The following RAB6B variants were observed in gnomAD, a reference collection of about 807,000 sequenced individuals.
RAB6B encodes ras-related protein Rab-6B.
Under a neutral mutation model 31.2 loss-of-function variants are expected in RAB6B, and 7 were observed. The ratio of observed to expected loss-of-function variants is 0.22; its 90% CI spans 0.13 to 0.42. The LOEUF is 0.42. Among genes scored for constraint, RAB6B ranks in the 10% least tolerant of loss-of-function variants. The pLI, the probability that RAB6B is intolerant of heterozygous loss-of-function variation, is 1.00. For missense variants in RAB6B, 149 were observed against 280.6 expected, an observed-to-expected ratio of 0.53 and a Z score of 3.35; for synonymous variants, 105 against 104.9, an observed-to-expected ratio of 1.00 and a Z score of -0.01.
At chr3:133,860,641 T>C (rs558153528) in intron 2 of RAB6B, among the ~76,000 whole-genome samples, 1 of 152,298 alleles carries the variant, frequency 6.6e-6, no homozygotes, top group East Asian at 1.9e-4. Flanking sequence ...CCCCTTGGCC[T>C]GGGAGGGCAA....
Position 133,825,036 on chromosome 3 carries a change from C to T in RAB6B, c.*3752G>A, listed in dbSNP as rs1344938567. 1.3e-5 allele frequency: 2 copies of T among 152,184 alleles called. No individual in the cohort carries two copies. The highest frequency in any genetic ancestry group is 1.3e-4 in the Admixed American group (2 of 15,268). The allele number at this position is 152,184 out of a possible 1,614,324, so 9.4% of individuals were successfully genotyped here. On this transcript the variant is annotated 3_prime_UTR_variant, in exon 8 of 8. Transcript: ENST00000285208. ...GCTGTAACAAGGTGACAATGCCTCA[C>T]ATTCTTTGGGGAGAGGCAGTTCGGA... is the stretch of plus-strand genomic sequence containing the variant.
intron 1 of RAB6B, among the ~76,000 whole-genome samples, chr3:133,871,283 T>C (rs1936319729): frequency 6.6e-6 from 1 of 152,214 alleles, no homozygotes; most frequent in African/African-American, 2.4e-5. Flanking sequence ...AAGGGTCTCC[T>C]GAGAGGCCCA....
At chr3:133,881,483 C>G (rs898171604) in intron 1 of RAB6B, among the ~76,000 whole-genome samples, 1 of 152,200 alleles carries the variant, frequency 6.6e-6, no homozygotes, top group African/African-American at 2.4e-5. Flanking sequence ...TGGAAACACA[C>G]AACATGGGAA....
intron 1 of RAB6B, chr3:133,885,537 A>G (rs897597323): frequency 2.8e-6 from 2 of 703,052 alleles, no homozygotes; most frequent in Non-Finnish European, 5.2e-6. Flanking sequence ...TCACACACCC[A>G]ATGGCCAGTT....
At chr3:133,870,732 A>G (rs1195335772) in intron 1 of RAB6B, among the ~76,000 whole-genome samples, 1 of 152,242 alleles carries the variant, frequency 6.6e-6, no homozygotes, top group Non-Finnish European at 1.5e-5. Flanking sequence ...CTGCATTCAG[A>G]AAAAACAATT....
chr3:133,831,851 C>T (rs1314757158), intron 7 of RAB6B, among the ~76,000 whole-genome samples: 2 of 152,202 alleles, frequency 1.3e-5, no homozygotes, highest in African/African-American at 4.8e-5. Context: ...TGGGCCCAGA[C>T]AGCCTGTTAC....
chr3:133,889,520 C>T (rs1054831530), intron 1 of RAB6B, among the ~76,000 whole-genome samples: 12 of 149,388 alleles, frequency 8.0e-5, no homozygotes, highest in African/African-American at 9.9e-5. Flanking sequence ...CTGAAACCTC[C>T]GCCTCCCGGG....
At chr3:133,882,135 G>T (rs766974614) in intron 1 of RAB6B, among the ~76,000 whole-genome samples, 4 of 152,044 alleles carry the variant, frequency 2.6e-5, no homozygotes, top group Non-Finnish European at 5.9e-5. Flanking sequence ...TCCCCCCACG[G>T]GCTGCTCTTA....
At chr3:133,856,766 T>C (rs527475800) in intron 2 of RAB6B, among the ~76,000 whole-genome samples, 1 of 152,260 alleles carries the variant, frequency 6.6e-6, no homozygotes, top group Non-Finnish European at 1.5e-5. Flanking sequence ...GCCTGGAGTA[T>C]CTTCTGCCGG....
chr3:133,864,019 G>A (rs969235597), intron 2 of RAB6B, among the ~76,000 whole-genome samples: 2 of 152,104 alleles, frequency 1.3e-5, no homozygotes, highest in South Asian at 2.1e-4. Context: ...CGCCTCCAGG[G>A]CCAGGAGCTG....
intron 1 of RAB6B, among the ~76,000 whole-genome samples, chr3:133,865,422 C>A (rs1936224372): frequency 6.6e-6 from 1 of 152,264 alleles, no homozygotes; most frequent in Admixed American, 6.5e-5. Context: ...GGCTTCTGAC[C>A]TCACCCTGTG....
chr3:133,864,563 G>C, intron 2 of RAB6B, 21 bp downstream of exon 2: 2 of 1,611,192 alleles, frequency 1.2e-6, no homozygotes, highest in Non-Finnish European at 1.7e-6. Flanking sequence ...TGATATGGAG[G>C]GTGAGCACCC....
chr3:133,864,187 A>C (rs1360876848), intron 2 of RAB6B, among the ~76,000 whole-genome samples: 1 of 150,332 alleles, frequency 6.7e-6, no homozygotes, highest in East Asian at 2.0e-4. Context: ...GGTGAGAGAG[A>C]GAGAAGGTCC....
chr3:133,846,476 TAG>T (rs1289544889), intron 2 of RAB6B, among the ~76,000 whole-genome samples: 1 of 151,940 alleles, frequency 6.6e-6, no homozygotes, highest in African/African-American at 2.4e-5. Flanking sequence ...AAAATGCAAT[TAG>T]AGTCTCAGGA....
intron 1 of RAB6B, among the ~76,000 whole-genome samples, chr3:133,891,820 T>C (rs1936641669): frequency 6.6e-6 from 1 of 152,098 alleles, no homozygotes; most frequent in African/African-American, 2.4e-5. Context: ...AGCAGCACAA[T>C]ACCAGGGGCA....
chr3:133,885,471 C>T (rs1936533181), intron 1 of RAB6B: 1 of 676,552 alleles, frequency 1.5e-6, no homozygotes, highest in South Asian at 1.6e-5. Context: ...GACTTACACA[C>T]CCAATGACCA....
At chr3:133,872,040 C>A (rs1936333142) in intron 1 of RAB6B, among the ~76,000 whole-genome samples, 1 of 152,224 alleles carries the variant, frequency 6.6e-6, no homozygotes, top group Admixed American at 6.5e-5. Context: ...GGCTGCCCAC[C>A]TCTCAGATGC....
intron 1 of RAB6B, among the ~76,000 whole-genome samples, chr3:133,873,989 A>C (rs1265202984): frequency 6.6e-6 from 1 of 152,230 alleles, no homozygotes; most frequent in South Asian, 2.1e-4. Context: ...ATCATCATAA[A>C]GGTCTTCATC....
chr3:133,836,958 T>C (rs1935745416), intron 6 of RAB6B, among the ~76,000 whole-genome samples: 1 of 152,154 alleles, frequency 6.6e-6, no homozygotes, highest in Admixed American at 6.5e-5. Flanking sequence ...GGGCAAACCA[T>C]CACTGCATCC....
Sources: gnomAD v4.1 joint callset for allele counts (sites outside exome capture counted in the v4.1 genomes callset) on GRCh38, gnomAD v4.1.1 for gene constraint, MANE v1.5 for transcripts, NCBI Gene and HGNC (gene_info 2026-07-23, HGNC 2026-07-21) for gene names.